The following NSMCE2 variants were observed in gnomAD, a reference collection of about 807,000 sequenced individuals.
The protein encoded by NSMCE2 is NSE2 SUMO ligase component of SMC5/6 complex.
Under a neutral mutation model 23.8 loss-of-function variants are expected in NSMCE2, and 24 were observed. The observed-to-expected ratio is 1.01, with a 90% CI of 0.73 to 1.42. The LOEUF (loss-of-function observed/expected upper bound fraction) is 1.42, where lower values mean the gene tolerates loss of function less well. Among genes scored for constraint, NSMCE2 ranks in the 40% most tolerant of loss-of-function variants. The pLI is 0.00. For missense variants in NSMCE2, 284 were observed against 296.5 expected (o/e 0.96, Z 0.31); for synonymous variants, 92 against 94.1 (o/e 0.98, Z 0.13).
intron 5 of NSMCE2, among the ~76,000 whole-genome samples, chr8:125,299,412 G>T (rs932899092): frequency 6.6e-6 from 1 of 152,190 alleles, no homozygotes; most frequent in East Asian, 1.9e-4. Context: ...AAGGTAAAGA[G>T]CAAGCAAGGA....
chr8:125,096,355 T>G (rs547717042), intron 1 of NSMCE2, among the ~76,000 whole-genome samples: 1 of 152,354 alleles, frequency 6.6e-6, no homozygotes, highest in Admixed American at 6.5e-5. Flanking sequence ...ACAAGTGTTT[T>G]GTCCTTACCT....
intron 5 of NSMCE2, among the ~76,000 whole-genome samples, chr8:125,349,630 A>G (rs937327929): frequency 6.6e-6 from 1 of 152,034 alleles, no homozygotes; most frequent in Non-Finnish European, 1.5e-5. Context: ...TTCCAGCCTA[A>G]TTGAAAAAGT....
intron 5 of NSMCE2, among the ~76,000 whole-genome samples, chr8:125,261,270 A>G (rs1401280639): frequency 6.6e-6 from 1 of 152,234 alleles, no homozygotes; most frequent in African/African-American, 2.4e-5. Flanking sequence ...TAATCTAGGG[A>G]AAGAATGGAA....
intron 7 of NSMCE2, among the ~76,000 whole-genome samples, chr8:125,365,090 T>C (rs1193892497): frequency 6.6e-6 from 1 of 152,138 alleles, no homozygotes; most frequent in African/African-American, 2.4e-5. Context: ...CACTGATGTC[T>C]TTAGCTGCAG....
intron 4 of NSMCE2, among the ~76,000 whole-genome samples, chr8:125,153,784 C>T (rs545042168): frequency 9.1e-4 from 138 of 152,272 alleles, no homozygotes; most frequent in African/African-American, 3.3e-3. Context: ...CTTTGGCATT[C>T]ATCAAATTTG....
chr8:125,101,363 A>G (rs1818180061), intron 1 of NSMCE2, among the ~76,000 whole-genome samples: 1 of 152,218 alleles, frequency 6.6e-6, no homozygotes, highest in Non-Finnish European at 1.5e-5. Flanking sequence ...GAAGGCTCTA[A>G]TGCTAATTAA....
intron 3 of NSMCE2, among the ~76,000 whole-genome samples, chr8:125,135,668 G>GT (rs1183893539): frequency 1.3e-5 from 2 of 152,012 alleles, no homozygotes; most frequent in Non-Finnish European, 2.9e-5. Flanking sequence ...GCTGAAGACT[G>GT]TTTTTTCTCA....
rs1354668741 is a variant in NSMCE2, at chr8:125,102,416, A to C, written c.86A>C (p.Asn29Thr). 1.2e-6 allele frequency: 2 copies of C among 1,613,484 alleles called. No individual in the cohort carries two copies. The highest frequency in any genetic ancestry group is 1.7e-6 in the Non-Finnish European group (2 of 1,179,572). ...GVESALSSLKNFQACINSGMD... is the reference protein window; with the variant it reads ...GVESALSSLKTFQACINSGMD... Reference sequence around the variant, plus strand: ...GAGTCTGCTCTCTCCTCCTTGAAAAACTTCCAAGCCTGTATCAACTCTGGT... The same window carrying C: ...GAGTCTGCTCTCTCCTCCTTGAAAACCTTCCAAGCCTGTATCAACTCTGGT... The change falls in exon 3 of 8, where the codon AAC becomes ACC. Residue 29 changes from asparagine (N) to threonine (T), a missense_variant. Around this residue, in one of 2 missense-constraint regions of NSMCE2, gnomAD observed 182 missense variants for 155.5 expected, o/e 1.17. Transcript: ENST00000287437.
intron 5 of NSMCE2, among the ~76,000 whole-genome samples, chr8:125,231,799 T>C (rs1202724394): frequency 1.3e-5 from 2 of 152,182 alleles, no homozygotes; most frequent in Non-Finnish European, 2.9e-5. Context: ...CATCATCAGG[T>C]AGTTATCAGT....
chr8:125,117,161 A>G (rs1428616958), intron 3 of NSMCE2, among the ~76,000 whole-genome samples: 5 of 152,208 alleles, frequency 3.3e-5, no homozygotes, highest in Admixed American at 6.5e-5. Flanking sequence ...AGTGGTGTCT[A>G]TTAGCATTAG....
intron 5 of NSMCE2, among the ~76,000 whole-genome samples, chr8:125,325,222 A>C (rs1287884607): frequency 6.6e-6 from 1 of 152,040 alleles, no homozygotes; most frequent in African/African-American, 2.4e-5. Context: ...TCAAGGCTGC[A>C]GTACACTATG....
rs1269633068 is a variant in NSMCE2, at chr8:125,357,218, G to A, written c.419-1G>A. 6.3e-7 allele frequency: 1 copy of A among 1,596,078 alleles called. No homozygotes were observed. The highest frequency in any genetic ancestry group is 8.6e-7 in the Non-Finnish European group (1 of 1,163,630). On this transcript the variant is annotated splice_acceptor_variant, in intron 5 of 7. Coordinates refer to ENST00000287437, the MANE Select transcript of NSMCE2 (RefSeq NM_173685.4). LOFTEE classifies it high-confidence loss of function. ...CTTATCAACTCTCCATTTTCCTCTA[G>A]GTGGTCTTCAAGCTGACAGAGAAGC...
At chr8:125,315,222 G>A (rs1353162203) in intron 5 of NSMCE2, among the ~76,000 whole-genome samples, 1 of 152,076 alleles carries the variant, frequency 6.6e-6, no homozygotes, top group Admixed American at 6.6e-5. Context: ...GGAATGTCAG[G>A]CCCCAAGTAC....
intron 5 of NSMCE2, among the ~76,000 whole-genome samples, chr8:125,210,318 G>A (rs1202875845): frequency 6.6e-6 from 1 of 152,062 alleles, no homozygotes; most frequent in Non-Finnish European, 1.5e-5. Flanking sequence ...ATAGATAATT[G>A]CTTTCTGATA....
At chr8:125,240,449 C>T (rs765161229) in intron 5 of NSMCE2, among the ~76,000 whole-genome samples, 7 of 152,160 alleles carry the variant, frequency 4.6e-5, no homozygotes, top group Non-Finnish European at 1.0e-4. Context: ...ACATTACTGT[C>T]TTCAGACACT....
At chr8:125,300,590 C>T (rs761643222) in intron 5 of NSMCE2, among the ~76,000 whole-genome samples, 1 of 152,200 alleles carries the variant, frequency 6.6e-6, no homozygotes, top group Non-Finnish European at 1.5e-5. Flanking sequence ...TTGAGCATCT[C>T]TTATTCGCTA....
chr8:125,167,032 TTCC>T (rs1244058850), intron 4 of NSMCE2, among the ~76,000 whole-genome samples: 1 of 151,960 alleles, frequency 6.6e-6, no homozygotes, highest in Non-Finnish European at 1.5e-5. Context: ...CGTATGTGGA[TTCC>T]TCCTCCACTG....
intron 5 of NSMCE2, among the ~76,000 whole-genome samples, chr8:125,256,309 A>G (rs993706727): frequency 6.6e-6 from 1 of 151,488 alleles, no homozygotes; most frequent in Non-Finnish European, 1.5e-5. Flanking sequence ...CTAACTGATT[A>G]TAGGGAGGAA....
intron 3 of NSMCE2, among the ~76,000 whole-genome samples, chr8:125,117,328 T>G (rs986421014): frequency 5.3e-5 from 8 of 152,064 alleles, no homozygotes; most frequent in African/African-American, 1.9e-4. Flanking sequence ...TTCAAGCAAT[T>G]CTCACGCCTC....
Sources: gnomAD v4.1 joint callset for allele counts (sites outside exome capture counted in the v4.1 genomes callset) on GRCh38, gnomAD v4.1.1 for gene constraint, gnomAD v4.1.1 regional missense constraint, MANE v1.5 for transcripts, NCBI Gene and HGNC (gene_info 2026-07-23, HGNC 2026-07-21) for gene names.